Variants in SH3GL2 observed in about 807,000 individuals in gnomAD.
SH3GL2 encodes the protein endophilin-A1.
In SH3GL2, 24 loss-of-function variants were observed where a neutral mutation model predicts 46.0. The ratio of observed to expected loss-of-function variants is 0.52; its 90% CI spans 0.38 to 0.73. SH3GL2 has a LOEUF of 0.73. Among genes scored for constraint, SH3GL2 ranks in the 30% least tolerant of loss-of-function variants. The probability of loss-of-function intolerance (pLI) is 0.00; values close to 1 mark genes in which losing one functional copy is unlikely to be tolerated. For synonymous variants in SH3GL2, 196 were observed against 147.1 expected (o/e 1.33, Z -2.40); for missense variants, 413 against 424.2 (o/e 0.97, Z 0.23).
At chr9:17,772,611 C>T (rs753972076) in intron 3 of SH3GL2, among the ~76,000 whole-genome samples, 2 of 152,066 alleles carry the variant, frequency 1.3e-5, no homozygotes, top group Non-Finnish European at 1.5e-5. Flanking sequence ...TTTTTTGTGA[C>T]GGCTTTATTT....
At chr9:17,610,388 G>T (rs1038650773) in intron 1 of SH3GL2, among the ~76,000 whole-genome samples, 4 of 152,124 alleles carry the variant, frequency 2.6e-5, no homozygotes, top group African/African-American at 7.2e-5. Flanking sequence ...ACCTGCTCTA[G>T]GTTATTAGGG....
At chr9:17,620,552 G>A (rs1819114962) in intron 1 of SH3GL2, among the ~76,000 whole-genome samples, 1 of 152,214 alleles carries the variant, frequency 6.6e-6, no homozygotes, top group African/African-American at 2.4e-5. Flanking sequence ...CACTGACTGT[G>A]CTAGTTTGGA....
At chr9:17,792,186 C>G (rs1824150114) in intron 7 of SH3GL2, among the ~76,000 whole-genome samples, 2 of 152,170 alleles carry the variant, frequency 1.3e-5, no homozygotes, top group African/African-American at 2.4e-5. Context: ...TCGTTGTTTT[C>G]CCTCAGGCTG....
At chr9:17,604,977 ATTT>A (rs138726944) in intron 1 of SH3GL2, among the ~76,000 whole-genome samples, 580 of 137,394 alleles carry the variant, frequency 4.2e-3, no homozygotes, top group Admixed American at 5.7e-3. Flanking sequence ...TTCACAAGTC[ATTT>A]TTTTTTTTTT....
At chr9:17,691,986 A>T (rs2118136220) in intron 1 of SH3GL2, among the ~76,000 whole-genome samples, 1 of 152,278 alleles carries the variant, frequency 6.6e-6, no homozygotes, top group East Asian at 1.9e-4. Flanking sequence ...TTACAAATGC[A>T]ATCTATTTCT....
chr9:17,581,498 T>C (rs1237859589), intron 1 of SH3GL2, among the ~76,000 whole-genome samples: 4 of 152,316 alleles, frequency 2.6e-5, no homozygotes, highest in South Asian at 2.1e-4. Flanking sequence ...CATATGTATA[T>C]TTAGGAGAGT....
intron 1 of SH3GL2, among the ~76,000 whole-genome samples, chr9:17,628,622 G>A (rs1300093564): frequency 1.3e-5 from 2 of 151,880 alleles, no homozygotes; most frequent in African/African-American, 4.9e-5. Context: ...CTGGCTTGGA[G>A]GCTTTTTTTT....
In SH3GL2 at chr9:17,786,403, G is replaced by T; in HGVS notation, c.210G>T (p.Met70Ile). ...PNPASRAKLSMINTMSKIRGQ... is the reference protein window; with the variant it reads ...PNPASRAKLSIINTMSKIRGQ... ...CAGCTTCCAGAGCTAAGCTCAGCATGATCAACACCATGTCAAAAATCCGTG... is the reference window on the plus strand; with the variant it reads ...CAGCTTCCAGAGCTAAGCTCAGCATTATCAACACCATGTCAAAAATCCGTG... The change falls in exon 4 of 9, where the codon ATG becomes ATT. Residue 70 changes from methionine to isoleucine, a missense_variant. Met to Ile is a conservative substitution (Grantham distance 10, BLOSUM62 1). Around this residue, in one of 3 missense-constraint regions of SH3GL2, gnomAD observed 160 missense variants for 192.3 expected, o/e 0.83. Transcript: ENST00000380607. 6.2e-7 allele frequency: 1 copy of T among 1,613,092 alleles called. No individual in the cohort carries two copies. Among genetic ancestry groups the T allele is most frequent in the African/African-American group, 1.3e-5 (1 of 74,930 alleles).
At chr9:17,759,679 A>G (rs987813633) in intron 2 of SH3GL2, among the ~76,000 whole-genome samples, 4 of 152,174 alleles carry the variant, frequency 2.6e-5, no homozygotes, top group Non-Finnish European at 4.4e-5. Flanking sequence ...TATAATTATT[A>G]AGGACAGAGA....
chr9:17,633,009 T>C (rs927731452), intron 1 of SH3GL2, among the ~76,000 whole-genome samples: 12 of 152,238 alleles, frequency 7.9e-5, no homozygotes, highest in Admixed American at 6.5e-5. Flanking sequence ...CCAGTATTAA[T>C]GAACTATCAC....
At chr9:17,773,553 G>A (rs182558025) in intron 3 of SH3GL2, among the ~76,000 whole-genome samples, 1 of 152,074 alleles carries the variant, frequency 6.6e-6, no homozygotes, top group African/African-American at 2.4e-5. Context: ...AGCACCATTG[G>A]TTGAAAAGAC....
intron 2 of SH3GL2, among the ~76,000 whole-genome samples, chr9:17,760,119 C>G (rs1254032988): frequency 1.3e-5 from 2 of 152,152 alleles, no homozygotes; most frequent in African/African-American, 2.4e-5. Context: ...ACCTGGTACA[C>G]ACTCAATCTT....
rs185843025 is a variant in SH3GL2, at chr9:17,632,906, A to G, written c.45+53619A>G. On this transcript the variant is annotated intron_variant, in intron 1 of 8. Coordinates refer to ENST00000380607, the MANE Select transcript of SH3GL2 (RefSeq NM_003026.5). ...AACAGGTAACGGATTGTGGTGTTTTATTACTTGATACTTATTGCTGAAACA... is the reference window on the plus strand; with the variant it reads ...AACAGGTAACGGATTGTGGTGTTTTGTTACTTGATACTTATTGCTGAAACA... Among the ~76,000 whole-genome samples, 185 of 152,308 alleles carry G rather than the reference A, an allele frequency of 1.2e-3. 1 individual carries two copies. Among genetic ancestry groups the G allele is most frequent in the African/African-American group, 3.9e-3 (162 of 41,560 alleles).
intron 1 of SH3GL2, among the ~76,000 whole-genome samples, chr9:17,688,815 CT>C (rs1221172869): frequency 6.6e-6 from 1 of 151,994 alleles, no homozygotes; most frequent in Non-Finnish European, 1.5e-5. Flanking sequence ...TGAGTTCATA[CT>C]GATGGAAGTA....
intron 3 of SH3GL2, among the ~76,000 whole-genome samples, chr9:17,781,779 G>C (rs1823816605): frequency 6.6e-6 from 1 of 152,046 alleles, no homozygotes. Flanking sequence ...GCCTTTCCCA[G>C]GTCTCTCCCT....
intron 3 of SH3GL2, among the ~76,000 whole-genome samples, chr9:17,776,773 G>A (rs938885146): frequency 6.6e-6 from 1 of 151,804 alleles, no homozygotes; most frequent in Non-Finnish European, 1.5e-5. Context: ...AACCAGCAGT[G>A]TGCTGCTACA....
intron 1 of SH3GL2, among the ~76,000 whole-genome samples, chr9:17,718,157 A>G (rs1228035077): frequency 6.6e-6 from 1 of 152,134 alleles, no homozygotes; most frequent in African/African-American, 2.4e-5. Context: ...ATACTTTAGC[A>G]TTTACCATAC....
intron 1 of SH3GL2, among the ~76,000 whole-genome samples, chr9:17,603,431 A>T (rs1370946913): frequency 6.6e-6 from 1 of 152,226 alleles, no homozygotes; most frequent in Non-Finnish European, 1.5e-5. Context: ...TACCTAGAGT[A>T]GTCAAATTCA....
At chr9:17,609,926 A>G (rs1366163170) in intron 1 of SH3GL2, among the ~76,000 whole-genome samples, 1 of 152,200 alleles carries the variant, frequency 6.6e-6, no homozygotes, top group Non-Finnish European at 1.5e-5. Context: ...AGCTCCAGAC[A>G]CACGATTGGC....
Sources: allele counts gnomAD v4.1 joint callset (sites outside exome capture counted in the v4.1 genomes callset), GRCh38; gene constraint gnomAD v4.1.1; regional missense constraint gnomAD v4.1.1; transcripts MANE v1.5; gene names NCBI Gene and HGNC (gene_info 2026-07-23, HGNC 2026-07-21).